CPNE5: variants seen among roughly 807,000 people sequenced by gnomAD.
The protein encoded by CPNE5 is copine-5.
A neutral mutation model predicts 81.1 loss-of-function variants in CPNE5; 42 were observed. That is an observed-to-expected ratio of 0.52 (90% CI 0.40 to 0.67). The LOEUF is 0.67. CPNE5 is among the 30% of genes least tolerant of loss of function. CPNE5 has a pLI of 0.00. For synonymous variants in CPNE5, 313 were observed against 321.5 expected (o/e 0.97, Z 0.28); for missense variants, 612 against 815.5 (o/e 0.75, Z 3.04).
Position 36,839,262 on chromosome 6 carries a change from C to G in CPNE5, c.95+21G>C. 1.3e-6 allele frequency: 2 copies of G among 1,507,426 alleles called. No homozygotes were observed. Among genetic ancestry groups the G allele is most frequent in the South Asian group, 1.3e-5 (1 of 79,740 alleles). 93.4% of individuals were successfully genotyped at this position (1,507,426 alleles called of 1,614,324 possible). On this transcript the variant is annotated intron_variant, in intron 1 of 20. Transcript: ENST00000244751. This position sits in a 1 kb window ranked among gnomAD's most constrained non-coding sequence, Gnocchi z 7.3. ...TGCGTCCAGGGCCGGGGCAAGGGGACCCGGCCAGCGGGAGGCTCACCTGCA... is the reference window on the plus strand; with the variant it reads ...TGCGTCCAGGGCCGGGGCAAGGGGAGCCGGCCAGCGGGAGGCTCACCTGCA...
chr6:36,823,829 G>A (rs1772272705), intron 1 of CPNE5, among the ~76,000 whole-genome samples: 1 of 152,164 alleles, frequency 6.6e-6, no homozygotes, highest in Non-Finnish European at 1.5e-5. Context: ...ATGAGCTCCC[G>A]ATTCTCATGC....
intron 15 of CPNE5, among the ~76,000 whole-genome samples, chr6:36,747,358 C>T (rs570281452): frequency 3.3e-5 from 5 of 152,280 alleles, no homozygotes; most frequent in African/African-American, 1.2e-4. Flanking sequence ...ATCCTGTCTA[C>T]CTCCTGCTAG....
At chr6:36,757,995 G>C (rs1249982440) in intron 12 of CPNE5, among the ~76,000 whole-genome samples, 1 of 152,154 alleles carries the variant, frequency 6.6e-6, no homozygotes, top group African/African-American at 2.4e-5. Context: ...TGACCCCCAA[G>C]CTGGTAGGAG....
rs765612901 is a variant in CPNE5 at position 36,745,373 on chromosome 6, G to T, written c.1328+15C>A. On this transcript the variant is annotated intron_variant, in intron 17 of 20. Transcript: ENST00000244751. ...GGCCTTGTGAGTGCCTGGAGGCGGT[G>T]GCAGCGGCACTCACCTGGCCACGTG... 1.1e-5 allele frequency: 17 copies of T among 1,600,044 alleles called. No individual in the cohort carries two copies. In the East Asian group the frequency reaches 3.6e-4, roughly 34 times the overall value.
intron 10 of CPNE5, among the ~76,000 whole-genome samples, chr6:36,771,289 T>C (rs1767016587): frequency 6.6e-6 from 1 of 152,136 alleles, no homozygotes; most frequent in African/African-American, 2.4e-5. Context: ...CAACAGTGCA[T>C]AGGGATTAAC....
In CPNE5 at chr6:36,789,621, C is replaced by T. The variant is rs896556460; in HGVS notation, c.528+2412G>A. On this transcript the variant is annotated intron_variant, in intron 8 of 20. Coordinates refer to ENST00000244751, the MANE Select transcript of CPNE5 (RefSeq NM_020939.2). ...TCAGCGCCAAGCTGCAGGTGGAAAA[C>T]GGAGGCTCTGGGAGCTGCAACAGCT... is the stretch of plus-strand genomic sequence containing the variant. Among the ~76,000 whole-genome samples, 8 of 152,326 alleles carry T rather than the reference C, an allele frequency of 5.3e-5. No homozygotes were observed. In the East Asian group the frequency reaches 7.7e-4, roughly 15 times the overall value.
chr6:36,781,624 C>T (rs1156403916), intron 8 of CPNE5, among the ~76,000 whole-genome samples: 1 of 152,026 alleles, frequency 6.6e-6, no homozygotes, highest in Non-Finnish European at 1.5e-5. Context: ...TTTAAATGCC[C>T]CCCTAGGGAG....
chr6:36,798,547 C>T, intron 4 of CPNE5, 53 bp from the exon 5 acceptor site: 1 of 1,573,360 alleles, frequency 6.4e-7, no homozygotes, highest in Non-Finnish European at 8.7e-7. Flanking sequence ...TCTGCCCAAT[C>T]CTGCCTGGGT....
intron 1 of CPNE5, among the ~76,000 whole-genome samples, chr6:36,836,518 G>C (rs1248438418): frequency 6.6e-6 from 1 of 152,092 alleles, no homozygotes; most frequent in Non-Finnish European, 1.5e-5. Flanking sequence ...AAACCCCCTG[G>C]AGTTCTCACC....
chr6:36,782,214 G>A (rs867743482), intron 8 of CPNE5, among the ~76,000 whole-genome samples: 7 of 152,132 alleles, frequency 4.6e-5, no homozygotes, highest in Non-Finnish European at 5.9e-5. Flanking sequence ...GCACGAATCT[G>A]GAAGTCGCCT....
At chr6:36,777,765 AC>A (rs1453281913) in intron 9 of CPNE5, among the ~76,000 whole-genome samples, 31 of 7,234 alleles carry the variant, frequency 4.3e-3, no homozygotes, top group East Asian at 0.019. Context: ...CCCCCCCCCC[AC>A]CACACACACA....
At chr6:36,776,397 C>CATGTG (rs1276267367) in intron 9 of CPNE5, among the ~76,000 whole-genome samples, 1 of 152,196 alleles carries the variant, frequency 6.6e-6, no homozygotes, top group East Asian at 1.9e-4. Context: ...TGTGGAGATG[C>CATGTG]ATGTGGGAGA....
chr6:36,811,348 G>A (rs372565335), intron 3 of CPNE5, among the ~76,000 whole-genome samples: 7 of 152,326 alleles, frequency 4.6e-5, no homozygotes, highest in African/African-American at 1.7e-4. Flanking sequence ...CCTTCCTCCA[G>A]ATAAAGCATT....
intron 3 of CPNE5, among the ~76,000 whole-genome samples, chr6:36,815,162 A>AAAAAAAAAAGAAC (rs910091965): frequency 7.0e-6 from 1 of 143,768 alleles, no homozygotes; most frequent in African/African-American, 2.6e-5. Flanking sequence ...TGTCTCAAAA[A>AAAAAAAAAAGAAC]AAAAAAAAAG....
intron 3 of CPNE5, among the ~76,000 whole-genome samples, chr6:36,804,327 G>T (rs1447429241): frequency 6.6e-6 from 1 of 152,102 alleles, no homozygotes; most frequent in Non-Finnish European, 1.5e-5. Context: ...AATAAGACTG[G>T]GTTCCTTTCC....
intron 13 of CPNE5, 135 bp downstream of exon 13, chr6:36,756,110 C>CCCCA: frequency 1.9e-6 from 1 of 518,062 alleles, no homozygotes; most frequent in Non-Finnish European, 3.5e-6. Context: ...CCCTCCCCAC[C>CCCCA]CCATCTCTCT....
intron 8 of CPNE5, among the ~76,000 whole-genome samples, chr6:36,791,264 T>G (rs1477449686): frequency 6.6e-6 from 1 of 152,146 alleles, no homozygotes; most frequent in Non-Finnish European, 1.5e-5. Context: ...CTGCTGTTTG[T>G]CATCCTTGAG....
intron 9 of CPNE5, among the ~76,000 whole-genome samples, chr6:36,776,386 G>C (rs910950579): frequency 6.6e-6 from 1 of 152,240 alleles, no homozygotes; most frequent in Non-Finnish European, 1.5e-5. Context: ...ACCCACTGGA[G>C]TGTGGAGATG....
At chr6:36,762,874 C>T in intron 12 of CPNE5, 43 bp downstream of exon 12, 1 of 1,519,374 alleles carries the variant, frequency 6.6e-7, no homozygotes, top group African/African-American at 1.4e-5. Context: ...AGTGACTGGG[C>T]CACTTAGTAG....
Sources: gnomAD v4.1 joint callset for allele counts (sites outside exome capture counted in the v4.1 genomes callset) on GRCh38, gnomAD v4.1.1 for gene constraint, Gnocchi (gnomAD v3.1) non-coding constraint, MANE v1.5 for transcripts, NCBI Gene and HGNC (gene_info 2026-07-23, HGNC 2026-07-21) for gene names.